The following FBXL2 variants were observed in gnomAD, a reference collection of about 807,000 sequenced individuals.
FBXL2 encodes F-box and leucine rich repeat protein 2.
In FBXL2, 38 loss-of-function variants were observed where a neutral mutation model predicts 69.2. The observed-to-expected ratio is 0.55, with a 90% CI of 0.42 to 0.72. FBXL2 has a LOEUF of 0.72. FBXL2 is among the 30% of genes least tolerant of loss of function. The pLI, the probability that FBXL2 is intolerant of heterozygous loss-of-function variation, is 0.00. For missense variants in FBXL2, 354 were observed against 520.3 expected (o/e 0.68, Z 3.11); for synonymous variants, 192 against 201.3 (o/e 0.95, Z 0.39).
intron 2 of FBXL2, among the ~76,000 whole-genome samples, chr3:33,338,245 C>G (rs2039742034): frequency 6.6e-6 from 1 of 152,078 alleles, no homozygotes. Context: ...AACCCTCTCT[C>G]TACTAAAAAT....
intron 1 of FBXL2, among the ~76,000 whole-genome samples, chr3:33,296,037 G>A (rs2035717676): frequency 6.6e-6 from 1 of 151,980 alleles, no homozygotes; most frequent in South Asian, 2.1e-4. Context: ...TTTCTTGATG[G>A]TGCCCTTTGA....
the FBXL2 span, among the ~76,000 whole-genome samples, chr3:33,417,753 G>A: frequency 1.3e-5 from 2 of 152,270 alleles, no homozygotes; most frequent in Admixed American, 1.3e-4. Context: ...CAGAAAATCA[G>A]TAAAAATTAA....
chr3:33,378,844 CTCT>C, intron 13 of FBXL2, 103 bp downstream of exon 13: 1 of 1,585,986 alleles, frequency 6.3e-7, no homozygotes, highest in Non-Finnish European at 8.6e-7. Context: ...GGTATCATCT[CTCT>C]TGATTTCAAA....
rs552868215 is a variant in FBXL2 at position 33,377,145 on chromosome 3, T to A, written c.789-128T>A. On this transcript the variant is annotated intron_variant, in intron 10 of 14. Coordinates refer to ENST00000484457, the MANE Select transcript of FBXL2 (RefSeq NM_012157.5). ...GGGGCTTTGGGCAGGTCACATTCCC[T>A]AAGGGCTGTTAACAGAGGCAAAAGC... 1.3e-4 allele frequency: 113 copies of A among 859,520 alleles called. No homozygotes were observed. In the African/African-American group the frequency reaches 1.6e-3, roughly 12 times the overall value. The allele number at this position is 859,520 out of a possible 1,614,324, so 53.2% of individuals were successfully genotyped here.
chr3:33,369,056 ATT>A (rs200087201), intron 5 of FBXL2, among the ~76,000 whole-genome samples: 27 of 142,052 alleles, frequency 1.9e-4, no homozygotes, highest in East Asian at 6.1e-4. Flanking sequence ...CTTCTTTTAG[ATT>A]TTTTTTTTTT....
At chr3:33,339,462 A>G (rs2039846769) in intron 2 of FBXL2, among the ~76,000 whole-genome samples, 1 of 152,208 alleles carries the variant, frequency 6.6e-6, no homozygotes, top group South Asian at 2.1e-4. Flanking sequence ...CACAGAACCA[A>G]ATACTGCATT....
intron 1 of FBXL2, among the ~76,000 whole-genome samples, chr3:33,295,014 G>A (rs1233261667): frequency 6.6e-6 from 1 of 152,060 alleles, no homozygotes; most frequent in Non-Finnish European, 1.5e-5. Flanking sequence ...ACACTACTTT[G>A]AAAATAAATG....
At chr3:33,358,431 C>G (rs1220118894) in intron 2 of FBXL2, among the ~76,000 whole-genome samples, 1 of 152,166 alleles carries the variant, frequency 6.6e-6, no homozygotes, top group Non-Finnish European at 1.5e-5. Flanking sequence ...TTTCTTCCCC[C>G]CACCTCTTCC....
intron 13 of FBXL2, among the ~76,000 whole-genome samples, chr3:33,379,681 C>T (rs1390199745): frequency 7.1e-6 from 1 of 140,322 alleles, no homozygotes; most frequent in Non-Finnish European, 1.6e-5. Flanking sequence ...AAAATTGTAC[C>T]AAAAAAAAAA....
At chr3:33,411,543 C>A in the FBXL2 span, 1 of 1,553,520 alleles carries the variant, frequency 6.4e-7, no homozygotes, top group Non-Finnish European at 8.9e-7. Context: ...ACCTAAATAA[C>A]TAGGTTAGTA....
downstream of FBXL2, chr3:33,390,305 G>A (rs2043705416): frequency 1.2e-6 from 2 of 1,610,108 alleles, no homozygotes; most frequent in South Asian, 1.1e-5. Context: ...ATTTGGTACT[G>A]AATACAGTTC....
chr3:33,316,377 C>T (rs931844165), intron 2 of FBXL2, among the ~76,000 whole-genome samples: 2 of 151,984 alleles, frequency 1.3e-5, no homozygotes, highest in Non-Finnish European at 2.9e-5. Context: ...TAGCCTCCTG[C>T]GTAATGTTTT....
Position 33,326,057 on chromosome 3 carries a change from A to C in FBXL2, c.65+28332A>C, listed in dbSNP as rs1409587385. Among the ~76,000 whole-genome samples, 7 of 152,236 alleles carry C rather than the reference A, an allele frequency of 4.6e-5. No homozygotes were observed. The East Asian group carries it at 1.3e-3, about 29-fold the overall frequency. ...TTAGATTCCTTTTAAATTCAAAGGC[A>C]TGATAGTTTTAGCAAATCAAACAAC... On this transcript the variant is annotated intron_variant, in intron 2 of 14. Transcript: ENST00000484457.
intron 2 of FBXL2, among the ~76,000 whole-genome samples, chr3:33,342,711 CTTTTTTTTTTTTTT>C (rs71070130): frequency 1.2e-3 from 45 of 37,926 alleles, no homozygotes; most frequent in South Asian, 2.5e-3. Context: ...AATATAACTT[CTTTTTTTTTTTTTT>C]TTTTTTTTTT....
chr3:33,287,164 A>G (rs954037332), intron 1 of FBXL2, among the ~76,000 whole-genome samples: 2 of 152,104 alleles, frequency 1.3e-5, no homozygotes, highest in Non-Finnish European at 2.9e-5. Flanking sequence ...CTCCCACCCT[A>G]AAGTGATTTT....
intron 1 of FBXL2, among the ~76,000 whole-genome samples, chr3:33,284,103 G>A (rs1449646764): frequency 6.6e-6 from 1 of 152,160 alleles, no homozygotes; most frequent in African/African-American, 2.4e-5. Context: ...TTTTGAATGT[G>A]TTTGCTCTTT....
chr3:33,354,470 G>A (rs929275813), intron 2 of FBXL2, among the ~76,000 whole-genome samples: 1 of 151,158 alleles, frequency 6.6e-6, no homozygotes, highest in African/African-American at 2.4e-5. Flanking sequence ...CCGAGATCAC[G>A]CCACTACACT....
intron 2 of FBXL2, among the ~76,000 whole-genome samples, chr3:33,323,499 C>A (rs1162284776): frequency 6.6e-6 from 1 of 152,128 alleles, no homozygotes; most frequent in African/African-American, 2.4e-5. Context: ...GTGATGTTCC[C>A]CTCCCTGTGT....
At chr3:33,392,497 C>T (rs941549272), downstream of FBXL2, 22 of 1,368,334 alleles carry the variant, frequency 1.6e-5, no homozygotes, top group African/African-American at 2.9e-5. Flanking sequence ...ACGAGAGGCA[C>T]TAATTAGAGG....
Sources: gnomAD v4.1 joint callset for allele counts (sites outside exome capture counted in the v4.1 genomes callset) on GRCh38, gnomAD v4.1.1 for gene constraint, MANE v1.5 for transcripts, NCBI Gene and HGNC (gene_info 2026-07-23, HGNC 2026-07-21) for gene names.